Variants in CNNM2 observed in about 807,000 individuals in gnomAD.
CNNM2 encodes the protein metal transporter CNNM2.
CNNM2 carries 12 observed loss-of-function variants against 66.9 expected under a neutral mutation model. The ratio of observed to expected loss-of-function variants is 0.18; its 90% CI spans 0.11 to 0.29. The LOEUF is 0.29. Ranked by LOEUF, CNNM2 falls within the 10% of genes least tolerant of loss-of-function variation. The probability of loss-of-function intolerance (pLI) is 1.00; values close to 1 mark genes in which losing one functional copy is unlikely to be tolerated. For missense variants in CNNM2, 705 were observed against 1,167.7 expected (o/e 0.60, Z 5.77); for synonymous variants, 557 against 501.8 (o/e 1.11, Z -1.47).
At chr10:103,055,110 C>A (rs1049678709) in intron 3 of CNNM2, among the ~76,000 whole-genome samples, 2 of 152,210 alleles carry the variant, frequency 1.3e-5, no homozygotes, top group African/African-American at 4.8e-5. Context: ...CCAGCCGGCA[C>A]TGACTGCTCC....
At chr10:103,001,780 GA>G (rs2134256562) in intron 1 of CNNM2, among the ~76,000 whole-genome samples, 1 of 152,172 alleles carries the variant, frequency 6.6e-6, no homozygotes, top group African/African-American at 2.4e-5. Flanking sequence ...GAGGTGGGTG[GA>G]TCATTTGAGG....
intron 1 of CNNM2, among the ~76,000 whole-genome samples, chr10:102,933,426 C>A (rs1846128918): frequency 6.6e-6 from 1 of 152,072 alleles, no homozygotes; most frequent in Admixed American, 6.6e-5. Context: ...TCAGATTGTT[C>A]ATTGCTTGTA....
At chr10:102,975,926 A>G (rs1018750630) in intron 1 of CNNM2, among the ~76,000 whole-genome samples, 2 of 152,176 alleles carry the variant, frequency 1.3e-5, no homozygotes, top group Non-Finnish European at 1.5e-5. Context: ...AGTTTTCACC[A>G]TAGGGGAGAA....
chr10:103,024,448 G>T (rs1413063462), intron 1 of CNNM2, among the ~76,000 whole-genome samples: 1 of 152,076 alleles, frequency 6.6e-6, no homozygotes, highest in Non-Finnish European at 1.5e-5. Context: ...ATACAGTACT[G>T]TGATAATACC....
intron 3 of CNNM2, among the ~76,000 whole-genome samples, chr10:103,055,330 C>T (rs1037479424): frequency 4.6e-5 from 7 of 152,204 alleles, no homozygotes; most frequent in South Asian, 2.1e-4. Context: ...GAAGGCTAGC[C>T]GCAACCACAT....
At chr10:103,038,845 T>C (rs940059197) in intron 1 of CNNM2, among the ~76,000 whole-genome samples, 1 of 152,226 alleles carries the variant, frequency 6.6e-6, no homozygotes, top group African/African-American at 2.4e-5. Flanking sequence ...GGCTTCTATA[T>C]ACAGCAAGTG....
intron 1 of CNNM2, among the ~76,000 whole-genome samples, chr10:102,958,360 G>A (rs901923011): frequency 4.0e-5 from 6 of 150,800 alleles, no homozygotes; most frequent in African/African-American, 1.5e-4. Flanking sequence ...ATGATTTGAA[G>A]TTGGACGGTT....
chr10:102,989,757 G>A (rs1173640984), intron 1 of CNNM2, among the ~76,000 whole-genome samples: 1 of 151,798 alleles, frequency 6.6e-6, no homozygotes, highest in Non-Finnish European at 1.5e-5. Flanking sequence ...AGCTGAGATG[G>A]CACCACTGCA....
chr10:102,978,002 TG>T, intron 1 of CNNM2, among the ~76,000 whole-genome samples: 1 of 151,878 alleles, frequency 6.6e-6, no homozygotes, highest in Non-Finnish European at 1.5e-5. Flanking sequence ...CTCCACCTCC[TG>T]GGTTCAAGCG....
intron 4 of CNNM2, among the ~76,000 whole-genome samples, chr10:103,059,202 G>A (rs1273507502): frequency 6.6e-6 from 1 of 152,118 alleles, no homozygotes. Flanking sequence ...TTGAACTCCT[G>A]ACCTCAAGTG....
intron 1 of CNNM2, among the ~76,000 whole-genome samples, chr10:102,986,520 C>T (rs187783789): frequency 6.7e-4 from 102 of 152,068 alleles, no homozygotes; most frequent in African/African-American, 2.3e-3. Flanking sequence ...CGGTGGCTCA[C>T]GCCTGTAATA....
At chr10:102,998,510 C>T (rs1379857666) in intron 1 of CNNM2, among the ~76,000 whole-genome samples, 1 of 152,132 alleles carries the variant, frequency 6.6e-6, no homozygotes, top group African/African-American at 2.4e-5. Context: ...TAGAAAAACA[C>T]AGGCTTGTCT....
At chr10:103,057,135 A>T (rs1160817431) in intron 4 of CNNM2, among the ~76,000 whole-genome samples, 171 bp downstream of exon 4, 2 of 152,190 alleles carry the variant, frequency 1.3e-5, no homozygotes, top group African/African-American at 2.4e-5. Context: ...ATTCTAATAT[A>T]AAGCAATGCC....
chr10:103,069,527 T>C (rs1241499521), intron 5 of CNNM2, among the ~76,000 whole-genome samples: 1 of 152,220 alleles, frequency 6.6e-6, no homozygotes, highest in Non-Finnish European at 1.5e-5. Context: ...TGTTGCTATA[T>C]ACTGACTGCC....
chr10:102,925,469 T>C (rs1333864893), intron 1 of CNNM2, among the ~76,000 whole-genome samples: 1 of 152,086 alleles, frequency 6.6e-6, no homozygotes, highest in African/African-American at 2.4e-5. Context: ...GAAAAACTGG[T>C]CTAGTCAGCC....
rs925034337 is a variant in CNNM2, at chr10:103,083,885, C to G, written c.*6705C>G. On this transcript the variant is annotated 3_prime_UTR_variant, in exon 8 of 8. Transcript: ENST00000369878. ...GCTATGCTAAGCCTGGGAGGAAGGT[C>G]GGAGCAGGCATGGATAGTCACTTTC... 2 of 152,178 alleles carry G rather than the reference C, an allele frequency of 1.3e-5. No individual in the cohort carries two copies. Among genetic ancestry groups the G allele is most frequent in the African/African-American group, 4.8e-5 (2 of 41,428 alleles). 9.4% of individuals were successfully genotyped at this position (152,178 alleles called of 1,614,324 possible).
intron 1 of CNNM2, among the ~76,000 whole-genome samples, chr10:103,026,774 G>A (rs148650436): frequency 0.014 from 2,117 of 152,240 alleles, 32 homozygotes; most frequent in South Asian, 0.038. Context: ...GGAGAATGGA[G>A]TGTGTTCATT....
rs1014047247 is a variant in CNNM2 at position 103,085,212 on chromosome 10, A to G, written c.*8032A>G. The stretch of plus-strand genomic sequence containing the variant: ...CAGTGTTCAAACAGGAGGCCAACAC[A>G]TGATAGGAAATTTTAGATGGGGCCA... On this transcript the variant is annotated 3_prime_UTR_variant, in exon 8 of 8. Transcript: ENST00000369878. 6.6e-6 allele frequency: 1 copy of G among 152,202 alleles called. No homozygotes were observed. The highest frequency in any genetic ancestry group is 1.5e-5 in the Non-Finnish European group (1 of 68,042). 9.4% of individuals were successfully genotyped at this position (152,202 alleles called of 1,614,324 possible). A position where few individuals can be genotyped will look rare whatever the true frequency, so the allele number is the denominator to read the frequency against.
chr10:102,935,289 C>A (rs1846199085), intron 1 of CNNM2, among the ~76,000 whole-genome samples: 1 of 151,490 alleles, frequency 6.6e-6, no homozygotes, highest in Admixed American at 6.6e-5. Flanking sequence ...TATTGGGAGA[C>A]CCTGCCTCTA....
Sources: gnomAD v4.1 joint callset for allele counts (sites outside exome capture counted in the v4.1 genomes callset) on GRCh38, gnomAD v4.1.1 for gene constraint, MANE v1.5 for transcripts, NCBI Gene and HGNC (gene_info 2026-07-23, HGNC 2026-07-21) for gene names.